Variants in COL5A2 observed in about 807,000 individuals in gnomAD.
COL5A2 encodes the protein collagen alpha-2(V) chain.
COL5A2 carries 23 observed loss-of-function variants against 208.2 expected under a neutral mutation model. The ratio of observed to expected loss-of-function variants is 0.11; its 90% CI spans 0.08 to 0.16. COL5A2 has a LOEUF of 0.16. COL5A2 is among the 10% of genes least tolerant of loss of function. COL5A2 has a pLI of 1.00. For missense variants in COL5A2, 1,590 were observed against 1,956.4 expected, an observed-to-expected ratio of 0.81 and a Z score of 3.53; for synonymous variants, 625 against 628.5, an observed-to-expected ratio of 0.99 and a Z score of 0.08.
chr2:189,167,336 A>G (rs1041449321), intron 1 of COL5A2, among the ~76,000 whole-genome samples: 1 of 152,224 alleles, frequency 6.6e-6, no homozygotes, highest in African/African-American at 2.4e-5. Context: ...ACCCACAGTG[A>G]AACTTAGAGC....
the COL5A2 span, among the ~76,000 whole-genome samples, chr2:189,418,540 G>A: frequency 2.6e-5 from 4 of 152,192 alleles, no homozygotes; most frequent in Non-Finnish European, 5.9e-5. Context: ...GAACAGGTTT[G>A]TGGAGTCACT....
intron 18 of COL5A2, among the ~76,000 whole-genome samples, chr2:189,069,833 A>G (rs1020094330): frequency 2.6e-5 from 4 of 152,198 alleles, no homozygotes; most frequent in Non-Finnish European, 5.9e-5. Context: ...GACCTTCAAG[A>G]AAGCATTTAT....
chr2:189,070,960 T>C (rs952360760), intron 18 of COL5A2, among the ~76,000 whole-genome samples: 28 of 152,320 alleles, frequency 1.8e-4, no homozygotes, highest in African/African-American at 6.7e-4. Context: ...AGTGTTTGAA[T>C]ATGTCATTAG....
At chr2:189,144,313 C>T (rs1016520134) in intron 1 of COL5A2, among the ~76,000 whole-genome samples, 1 of 152,038 alleles carries the variant, frequency 6.6e-6, no homozygotes, top group Non-Finnish European at 1.5e-5. Context: ...TTAGTTTTAC[C>T]TAGTTAGGAG....
At chr2:189,413,975 A>G in the COL5A2 span, among the ~76,000 whole-genome samples, 1 of 151,818 alleles carries the variant, frequency 6.6e-6, no homozygotes, top group African/African-American at 2.4e-5. Context: ...TATTTTTAGT[A>G]GAGACGGGGT....
chr2:189,089,891 T>C (rs1686747459), intron 7 of COL5A2, among the ~76,000 whole-genome samples: 1 of 152,162 alleles, frequency 6.6e-6, no homozygotes, highest in Non-Finnish European at 1.5e-5. Context: ...CCCATCTCTC[T>C]TCCTCTCCAT....
rs149256672 is a variant in COL5A2, at chr2:189,058,861, C to T, written c.2118G>A (p.Pro706=). 1.2e-5 allele frequency: 19 copies of T among 1,612,982 alleles called. No homozygotes were observed. Among genetic ancestry groups the T allele is most frequent in the African/African-American group, 1.1e-4 (8 of 74,668 alleles). Residue 706 remains proline (P), a synonymous_variant, in exon 32 of 54, where the codon CCG becomes CCA. Coordinates refer to ENST00000374866, the MANE Select transcript of COL5A2 (RefSeq NM_000393.5). ...GVPGDPGAVG[P]LGPRGERGNP... is the part of the protein sequence containing the mutation. ...TTAAAATACTTACTCTAGGTCCTAA[C>T]GGGCCAACTGCTCCGGGATCTCCAG...
At chr2:189,308,984 T>G in the COL5A2 span, among the ~76,000 whole-genome samples, 1 of 152,028 alleles carries the variant, frequency 6.6e-6, no homozygotes, top group African/African-American at 2.4e-5. Flanking sequence ...TTTTACAGAG[T>G]TTGATTCTTT....
chr2:189,099,210 A>G (rs1168366576), intron 4 of COL5A2, among the ~76,000 whole-genome samples: 1 of 152,256 alleles, frequency 6.6e-6, no homozygotes, highest in Non-Finnish European at 1.5e-5. Context: ...GCACACATAA[A>G]TGCTTTTTAA....
the COL5A2 span, among the ~76,000 whole-genome samples, chr2:189,259,323 A>G: frequency 1.3e-5 from 2 of 152,222 alleles, no homozygotes; most frequent in African/African-American, 4.8e-5. Flanking sequence ...TCTTATAGTA[A>G]TATTCATTCA....
At chr2:189,305,036 A>G in the COL5A2 span, among the ~76,000 whole-genome samples, 3 of 152,346 alleles carry the variant, frequency 2.0e-5, no homozygotes, top group Admixed American at 2.0e-4. Context: ...AACAAACAAA[A>G]TGGAAAGAAA....
intron 26 of COL5A2, 23 bp downstream of exon 26, chr2:189,063,957 G>A: frequency 6.3e-7 from 1 of 1,593,522 alleles, no homozygotes; most frequent in Non-Finnish European, 8.6e-7. Context: ...TAGTGGTTGT[G>A]GACTTCTGTT....
chr2:189,063,888 T>C, intron 26 of COL5A2, 92 bp downstream of exon 26: 1 of 992,260 alleles, frequency 1.0e-6, no homozygotes, highest in Non-Finnish European at 1.6e-6. Context: ...AGCATCCATA[T>C]AATCAAAAAC....
the COL5A2 span, among the ~76,000 whole-genome samples, chr2:189,392,001 G>C: frequency 1.3e-5 from 2 of 152,110 alleles, no homozygotes; most frequent in Middle Eastern, 3.4e-3. Flanking sequence ...ATATTAGTTT[G>C]TCCTTTATTA....
intron 1 of COL5A2, among the ~76,000 whole-genome samples, chr2:189,127,978 C>T (rs1687641300): frequency 6.6e-6 from 1 of 152,004 alleles, no homozygotes; most frequent in South Asian, 2.1e-4. Flanking sequence ...CAGAAGTGCA[C>T]TCAGATTTCA....
the COL5A2 span, among the ~76,000 whole-genome samples, chr2:189,436,915 T>C: frequency 6.6e-6 from 1 of 152,098 alleles, no homozygotes; most frequent in Non-Finnish European, 1.5e-5. Flanking sequence ...GCTTAGTGCC[T>C]AGGTCATGGG....
chr2:189,341,800 T>C, the COL5A2 span, among the ~76,000 whole-genome samples: 3 of 152,182 alleles, frequency 2.0e-5, no homozygotes, highest in African/African-American at 7.2e-5. Context: ...AATTACTACT[T>C]AATCAAAGTG....
the COL5A2 span, among the ~76,000 whole-genome samples, chr2:189,308,736 T>C: frequency 6.6e-6 from 1 of 152,150 alleles, no homozygotes; most frequent in East Asian, 1.9e-4. Context: ...TAGAAAACCT[T>C]TGACTCCATC....
intron 26 of COL5A2, 133 bp downstream of exon 26, chr2:189,063,847 C>T: frequency 1.4e-6 from 1 of 697,964 alleles, no homozygotes; most frequent in Non-Finnish European, 2.4e-6. Context: ...AATATGCTTC[C>T]AGAAGTTGGT....
Sources: gnomAD v4.1 joint callset for allele counts (sites outside exome capture counted in the v4.1 genomes callset) on GRCh38, gnomAD v4.1.1 for gene constraint, MANE v1.5 for transcripts, NCBI Gene and HGNC (gene_info 2026-07-23, HGNC 2026-07-21) for gene names.